NRXN1: variants seen among roughly 807,000 people sequenced by gnomAD.
NRXN1 encodes neurexin-1.
In NRXN1, 39 loss-of-function variants were observed where a neutral mutation model predicts 150.9. The ratio of observed to expected loss-of-function variants is 0.26; its 90% CI spans 0.20 to 0.34. The LOEUF is 0.34. Ranked by LOEUF, NRXN1 falls within the 10% of genes least tolerant of loss-of-function variation. The pLI is 1.00. For synonymous variants in NRXN1, 924 were observed against 757.0 expected (o/e 1.22, Z -3.62); for missense variants, 1,815 against 1,949.9 (o/e 0.93, Z 1.30).
intron 17 of NRXN1, among the ~76,000 whole-genome samples, chr2:50,421,862 A>T (rs548059615): frequency 6.6e-6 from 1 of 152,246 alleles, no homozygotes; most frequent in East Asian, 1.9e-4. Flanking sequence ...AGAAACCACA[A>T]ATGATTTGGG....
intron 5 of NRXN1, among the ~76,000 whole-genome samples, chr2:50,633,882 G>C (rs536691559): frequency 1.3e-5 from 2 of 152,130 alleles, no homozygotes; most frequent in Non-Finnish European, 2.9e-5. Context: ...AGTGCAATGA[G>C]GGTGTGCAAT....
intron 5 of NRXN1, among the ~76,000 whole-genome samples, chr2:50,767,849 C>A (rs968110729): frequency 1.3e-5 from 2 of 151,888 alleles, no homozygotes; most frequent in Non-Finnish European, 2.9e-5. Flanking sequence ...TTTAAGTAAT[C>A]CTAATTAAGG....
chr2:50,454,821 TA>T (rs1380606212), intron 17 of NRXN1, among the ~76,000 whole-genome samples: 3 of 151,748 alleles, frequency 2.0e-5, no homozygotes, highest in Non-Finnish European at 4.4e-5. Context: ...AGATGAGAAA[TA>T]AAGACTTATA....
At chr2:50,503,559 G>A (rs2092064482) in intron 13 of NRXN1, among the ~76,000 whole-genome samples, 1 of 59,810 alleles carries the variant, frequency 1.7e-5, no homozygotes, top group African/African-American at 9.8e-5. Context: ...GAAATGAAAA[G>A]AAAGAAAAAT....
chr2:49,978,285 G>A (rs1040341181), intron 21 of NRXN1, among the ~76,000 whole-genome samples: 1 of 152,116 alleles, frequency 6.6e-6, no homozygotes, highest in Non-Finnish European at 1.5e-5. Context: ...CTACAAAGGT[G>A]GGCTTGTGAG....
At position 50,007,103 on chromosome 2, in the gene NRXN1, G is replaced by C. The variant is rs535775600; in HGVS notation, c.4128+46168C>G. Among the ~76,000 whole-genome samples, 8 of 152,234 alleles carry C rather than the reference G, an allele frequency of 5.3e-5. No individual in the cohort carries two copies. The East Asian group carries it at 1.4e-3, about 26-fold the overall frequency. ...CACACCTGCAATCCTGATACCTTGGGAGGCCAAGGTGGGAGAATCACTTGA... is the reference window on the plus strand; with the variant it reads ...CACACCTGCAATCCTGATACCTTGGCAGGCCAAGGTGGGAGAATCACTTGA... On this transcript the variant is annotated intron_variant, in intron 21 of 22. Transcript: ENST00000401669.
chr2:50,773,902 G>A (rs1703299943), intron 5 of NRXN1, among the ~76,000 whole-genome samples: 1 of 152,000 alleles, frequency 6.6e-6, no homozygotes, highest in Admixed American at 6.6e-5. Context: ...AGCAACACAA[G>A]GACTGCAACA....
chr2:50,252,258 C>CTTTTTTTTTTTTTTTTTTTT (rs143522284), intron 17 of NRXN1, among the ~76,000 whole-genome samples: 1 of 69,706 alleles, frequency 1.4e-5, no homozygotes, highest in Non-Finnish European at 2.5e-5. Context: ...TTTTTCTTTT[C>CTTTTTTTTTTTTTTTTTTTT]TTTTTTTTTT....
chr2:50,097,990 G>T (rs1353177855), intron 18 of NRXN1, among the ~76,000 whole-genome samples: 1 of 152,020 alleles, frequency 6.6e-6, no homozygotes, highest in African/African-American at 2.4e-5. Context: ...GGCTGGTAGA[G>T]ACTCTGTTTA....
intron 5 of NRXN1, among the ~76,000 whole-genome samples, chr2:50,860,881 T>C (rs1027197823): frequency 6.6e-6 from 1 of 152,106 alleles, no homozygotes; most frequent in Non-Finnish European, 1.5e-5. Context: ...GACATACTTA[T>C]AAAGATTTTA....
intron 5 of NRXN1, chr2:50,917,356 T>C (rs1685358298): frequency 6.6e-6 from 1 of 151,718 alleles, no homozygotes. Context: ...CACAGCAAAA[T>C]ATATTTTAAA....
chr2:50,798,353 C>T (rs1284711207), intron 5 of NRXN1, among the ~76,000 whole-genome samples: 6 of 152,146 alleles, frequency 3.9e-5, no homozygotes, highest in African/African-American at 1.4e-4. Flanking sequence ...CCAGAAATTG[C>T]TTTTTAAGTC....
intron 5 of NRXN1, among the ~76,000 whole-genome samples, chr2:50,708,573 T>A (rs1694746534): frequency 6.6e-6 from 1 of 152,100 alleles, no homozygotes; most frequent in African/African-American, 2.4e-5. Context: ...TGAATTGTTG[T>A]CCTCAACAAC....
At chr2:50,225,116 G>A (rs1215344810) in intron 18 of NRXN1, among the ~76,000 whole-genome samples, 3 of 151,958 alleles carry the variant, frequency 2.0e-5, no homozygotes, top group Non-Finnish European at 4.4e-5. Flanking sequence ...TCAGGAGGTT[G>A]TAAATGGGAA....
intron 8 of NRXN1, among the ~76,000 whole-genome samples, chr2:50,614,063 C>T (rs1222378036): frequency 6.6e-6 from 1 of 151,854 alleles, no homozygotes; most frequent in Admixed American, 6.6e-5. Flanking sequence ...ACTGTCTTCC[C>T]GAAAGAGTGA....
chr2:50,742,800 C>G (rs1333761971), intron 5 of NRXN1, among the ~76,000 whole-genome samples: 3 of 152,082 alleles, frequency 2.0e-5, no homozygotes, highest in Non-Finnish European at 4.4e-5. Flanking sequence ...TCGGCAGATT[C>G]TAACACTCAG....
chr2:50,878,254 T>C (rs961428715), intron 5 of NRXN1, among the ~76,000 whole-genome samples: 1 of 151,982 alleles, frequency 6.6e-6, no homozygotes, highest in Non-Finnish European at 1.5e-5. Flanking sequence ...TTCACAGTTT[T>C]CTTCAGTTCC....
intron 9 of NRXN1, among the ~76,000 whole-genome samples, chr2:50,548,540 TA>T (rs1356376801): frequency 4.6e-5 from 7 of 152,196 alleles, no homozygotes; most frequent in Admixed American, 6.5e-5. Flanking sequence ...TATTTTATTT[TA>T]TTTTTTTTTA....
At chr2:50,219,885 A>T (rs1263079765) in intron 18 of NRXN1, among the ~76,000 whole-genome samples, 1 of 95,618 alleles carries the variant, frequency 1.0e-5, no homozygotes, top group Non-Finnish European at 2.1e-5. Context: ...CTATATATAC[A>T]TATATATACA....
Sources: gnomAD v4.1 joint callset for allele counts (sites outside exome capture counted in the v4.1 genomes callset) on GRCh38, gnomAD v4.1.1 for gene constraint, MANE v1.5 for transcripts, NCBI Gene and HGNC (gene_info 2026-07-23, HGNC 2026-07-21) for gene names.